The following ARNT2 variants were observed in gnomAD, a reference collection of about 807,000 sequenced individuals.
The protein encoded by ARNT2 is ARNT protein 2.
A neutral mutation model predicts 91.7 loss-of-function variants in ARNT2; 36 were observed. The ratio of observed to expected loss-of-function variants is 0.39; its 90% CI spans 0.30 to 0.52. The LOEUF (loss-of-function observed/expected upper bound fraction) is 0.52, where lower values mean the gene tolerates loss of function less well. ARNT2 is among the 20% of genes least tolerant of loss of function. The pLI is 0.72. For missense variants in ARNT2, 775 were observed against 939.3 expected, an observed-to-expected ratio of 0.83 and a Z score of 2.29; for synonymous variants, 365 against 347.1, an observed-to-expected ratio of 1.05 and a Z score of -0.57.
chr15:80,593,161 T>C (rs543238774), intron 18 of ARNT2, among the ~76,000 whole-genome samples: 50 of 152,244 alleles, frequency 3.3e-4, no homozygotes, highest in Non-Finnish European at 7.1e-4. Flanking sequence ...GATTCGTCCC[T>C]GCGCTAAGAT....
chr15:80,591,475 A>C lies in ARNT2; in HGVS notation c.1919-93A>C. The C allele has an allele frequency of 6.5e-7, 1 of 1,527,928 alleles. No homozygotes were observed. The highest frequency in any genetic ancestry group is 9.0e-7 in the Non-Finnish European group (1 of 1,113,824). 94.6% of individuals were successfully genotyped at this position (1,527,928 alleles called of 1,614,324 possible). A position where few individuals can be genotyped will look rare whatever the true frequency, so the allele number is the denominator to read the frequency against. On this transcript the variant is annotated intron_variant, in intron 17 of 18. Coordinates refer to ENST00000303329, the MANE Select transcript of ARNT2 (RefSeq NM_014862.4). The surrounding 1 kb of genome is among the most constrained non-coding windows in gnomAD (Gnocchi z 5.1). ...GCTCTGGATGGAACGTGCCTTTCAG[A>C]AGCGGGAGGCCCTCCAGCCGCAGTG... is the stretch of plus-strand genomic sequence containing the variant.
chr15:80,538,919 A>G (rs1897863697), intron 8 of ARNT2, among the ~76,000 whole-genome samples: 1 of 152,148 alleles, frequency 6.6e-6, no homozygotes, highest in Admixed American at 6.5e-5. Context: ...TTATGAACAA[A>G]TAGTGTGCAT....
chr15:80,531,589 C>T (rs1338245991), intron 8 of ARNT2, among the ~76,000 whole-genome samples: 2 of 152,332 alleles, frequency 1.3e-5, no homozygotes, highest in East Asian at 3.9e-4. Flanking sequence ...GGCCATGTGC[C>T]CCTCCTCAAA....
At chr15:80,446,835 A>G (rs903042838) in intron 1 of ARNT2, among the ~76,000 whole-genome samples, 2 of 152,164 alleles carry the variant, frequency 1.3e-5, no homozygotes, top group Non-Finnish European at 2.9e-5. Context: ...CTTACTATTT[A>G]AAAAGGGCTT....
chr15:80,494,372 G>C (rs1056935171), intron 5 of ARNT2, among the ~76,000 whole-genome samples: 1 of 152,150 alleles, frequency 6.6e-6, no homozygotes, highest in African/African-American at 2.4e-5. Flanking sequence ...CTCCATGTCA[G>C]CCTGGTCTCC....
chr15:80,446,186 A>G (rs1896300971), intron 1 of ARNT2, among the ~76,000 whole-genome samples: 2 of 152,128 alleles, frequency 1.3e-5, no homozygotes, highest in Admixed American at 1.3e-4. Context: ...GGGTTATATA[A>G]AGATCACACG....
At chr15:80,573,765 A>C (rs997063515) in intron 12 of ARNT2, among the ~76,000 whole-genome samples, 4 of 152,210 alleles carry the variant, frequency 2.6e-5, no homozygotes, top group Admixed American at 2.0e-4. Flanking sequence ...TAGTGTGAGG[A>C]TTGGATGAGA....
chr15:80,475,454 G>C, intron 5 of ARNT2: 1 of 410,352 alleles, frequency 2.4e-6, no homozygotes, highest in East Asian at 5.2e-5. Flanking sequence ...CAGCTACTCC[G>C]GAGGCTGAGG....
chr15:80,574,080 G>A, intron 12 of ARNT2, 68 bp from the exon 13 acceptor site: 1 of 1,378,710 alleles, frequency 7.3e-7, no homozygotes, highest in Non-Finnish European at 1.0e-6. Flanking sequence ...TATGGGAAAA[G>A]TCCTGGCTTA....
chr15:80,575,484 G>A (rs1310639760), intron 14 of ARNT2, among the ~76,000 whole-genome samples: 3 of 152,170 alleles, frequency 2.0e-5, no homozygotes, highest in African/African-American at 7.2e-5. Flanking sequence ...ATTGGAGCCT[G>A]CTGTCTAGCA....
At chr15:80,470,661 T>C (rs1218131102) in intron 4 of ARNT2, among the ~76,000 whole-genome samples, 1 of 152,202 alleles carries the variant, frequency 6.6e-6, no homozygotes, top group Non-Finnish European at 1.5e-5. Context: ...CAAAAAAATA[T>C]ATTGAGCATT....
intron 1 of ARNT2, among the ~76,000 whole-genome samples, chr15:80,405,017 C>A (rs1895578281): frequency 6.6e-6 from 1 of 152,164 alleles, no homozygotes; most frequent in African/African-American, 2.4e-5. Context: ...CTGCCCGCCC[C>A]GCCCACTAAG....
chr15:80,407,806 T>C (rs1181313977), intron 1 of ARNT2, among the ~76,000 whole-genome samples: 1 of 152,182 alleles, frequency 6.6e-6, no homozygotes, highest in Non-Finnish European at 1.5e-5. Context: ...ATTAGTTATA[T>C]ACATAAAAGG....
intron 2 of ARNT2, 71 bp downstream of exon 2, chr15:80,451,065 A>G (rs956110605): frequency 7.2e-7 from 1 of 1,390,254 alleles, no homozygotes; most frequent in Non-Finnish European, 1.0e-6. Context: ...TGTTAGGAAA[A>G]TATTGTTTCT....
At chr15:80,585,713 G>C (rs1311596303) in intron 17 of ARNT2, among the ~76,000 whole-genome samples, 1 of 152,190 alleles carries the variant, frequency 6.6e-6, no homozygotes, top group Admixed American at 6.5e-5. Flanking sequence ...AGGTGGCCAA[G>C]AATTTCCCCA....
At chr15:80,550,616 G>A (rs566343362) in intron 8 of ARNT2, among the ~76,000 whole-genome samples, 21 of 152,320 alleles carry the variant, frequency 1.4e-4, no homozygotes, top group Non-Finnish European at 2.6e-4. Flanking sequence ...GAAGAGTGAG[G>A]ATTGTTTTAA....
chr15:80,499,704 C>T (rs1237493469), intron 5 of ARNT2, among the ~76,000 whole-genome samples: 1 of 152,188 alleles, frequency 6.6e-6, no homozygotes, highest in African/African-American at 2.4e-5. Flanking sequence ...TGGGACCAAT[C>T]ACTATAGACA....
chr15:80,470,638 A>G (rs1414216453), intron 4 of ARNT2, among the ~76,000 whole-genome samples: 2 of 152,204 alleles, frequency 1.3e-5, no homozygotes, highest in Non-Finnish European at 2.9e-5. Flanking sequence ...CATAACCTTA[A>G]TGGGATGTCA....
chr15:80,406,789 T>A lies in ARNT2; in HGVS notation c.31+2243T>A, dbSNP rs117881650. Among the ~76,000 whole-genome samples, 729 of 152,330 alleles carry A rather than the reference T, an allele frequency of 4.8e-3. 6 individuals are homozygous for A. Among genetic ancestry groups the A allele is most frequent in the Middle Eastern group, 0.014 (4 of 294 alleles). On this transcript the variant is annotated intron_variant, in intron 1 of 18. Transcript: ENST00000303329. ...CCAGAGATCTTCAGCATGGTGATAA[T>A]TTCTCAAGGGAAAATTCCTTGAGGT...
Sources: allele counts gnomAD v4.1 joint callset (sites outside exome capture counted in the v4.1 genomes callset), GRCh38; gene constraint gnomAD v4.1.1; non-coding constraint Gnocchi (gnomAD v3.1); transcripts MANE v1.5; gene names NCBI Gene and HGNC (gene_info 2026-07-23, HGNC 2026-07-21).